The following CRTC3 variants were observed in gnomAD, a reference collection of about 807,000 sequenced individuals.
CRTC3 encodes the protein CREB-regulated transcription coactivator 3.
In CRTC3, 26 loss-of-function variants were observed where a neutral mutation model predicts 74.5. The observed-to-expected ratio is 0.35, with a 90% confidence interval of 0.26 to 0.48. The LOEUF (loss-of-function observed/expected upper bound fraction) is 0.48. Among genes scored for constraint, CRTC3 ranks in the 20% least tolerant of loss-of-function variants. The pLI is 0.99. For synonymous variants in CRTC3, 377 were observed against 325.8 expected (o/e 1.16, Z -1.69); for missense variants, 760 against 787.3 (o/e 0.97, Z 0.41).
At chr15:90,562,675 T>A (rs1967037575) in intron 2 of CRTC3, among the ~76,000 whole-genome samples, 1 of 152,162 alleles carries the variant, frequency 6.6e-6, no homozygotes. Context: ...TTAGTCCAAA[T>A]CAAACTTTCC....
At chr15:90,582,891 C>G (rs1967576198) in intron 2 of CRTC3, among the ~76,000 whole-genome samples, 1 of 152,200 alleles carries the variant, frequency 6.6e-6, no homozygotes, top group African/African-American at 2.4e-5. Flanking sequence ...TGAACATGAT[C>G]CATCTTCTCC....
chr15:90,554,121 T>C (rs1224596050), intron 2 of CRTC3, among the ~76,000 whole-genome samples: 1 of 152,214 alleles, frequency 6.6e-6, no homozygotes, highest in African/African-American at 2.4e-5. Flanking sequence ...TATCAGAGTT[T>C]TGTGGAGAAG....
At chr15:90,616,903 C>G (rs1287328695) in intron 7 of CRTC3, among the ~76,000 whole-genome samples, 1 of 152,168 alleles carries the variant, frequency 6.6e-6, no homozygotes, top group Non-Finnish European at 1.5e-5. Flanking sequence ...ATCCCACAAC[C>G]AAGGAGCTTC....
intron 5 of CRTC3, among the ~76,000 whole-genome samples, chr15:90,606,276 A>C (rs377264553): frequency 3.7e-5 from 5 of 135,596 alleles, no homozygotes; most frequent in African/African-American, 1.4e-4. Context: ...AATAAAATAA[A>C]ATAGGCCAGG....
rs553169953 is a variant in CRTC3, at chr15:90,537,740, T to A, written c.133-2299T>A. ...CCCAGGCTGTAGTACAGTGGCATGATCTTGGCTCACTGCAACCTCTGCTTC... is the reference window on the plus strand; with the variant it reads ...CCCAGGCTGTAGTACAGTGGCATGAACTTGGCTCACTGCAACCTCTGCTTC... On this transcript the variant is annotated intron_variant, in intron 1 of 14. Coordinates refer to ENST00000268184, the MANE Select transcript of CRTC3 (RefSeq NM_022769.5). Among the ~76,000 whole-genome samples, 212 of 152,252 alleles carry A rather than the reference T, an allele frequency of 1.4e-3. 2 individuals carry two copies. Among genetic ancestry groups the A allele is most frequent in the African/African-American group, 4.9e-3 (205 of 41,532 alleles).
intron 2 of CRTC3, among the ~76,000 whole-genome samples, chr15:90,572,898 A>T (rs976726639): frequency 6.6e-6 from 1 of 152,196 alleles, no homozygotes; most frequent in Non-Finnish European, 1.5e-5. Context: ...TTTTAAAAAA[A>T]CTGTGGTTAA....
chr15:90,574,673 G>A lies in CRTC3; in HGVS notation c.232-18963G>A, dbSNP rs1039340288. Reference sequence around the variant, plus strand: ...TTGTACATTCCTCTCTGCTGTATATGAAAGTGCCTGTTTGCCCACATCCTC... The same window carrying A: ...TTGTACATTCCTCTCTGCTGTATATAAAAGTGCCTGTTTGCCCACATCCTC... On this transcript the variant is annotated intron_variant, in intron 2 of 14. Coordinates refer to ENST00000268184, the MANE Select transcript of CRTC3 (RefSeq NM_022769.5). Among the ~76,000 whole-genome samples the A allele has an allele frequency of 7.9e-5, 12 of 152,286 alleles. 2 individuals are homozygous for A. The highest frequency in any genetic ancestry group is 7.2e-4 in the Admixed American group (11 of 15,292).
chr15:90,626,611 CTTTTTTTT>C (rs922457681), intron 10 of CRTC3, among the ~76,000 whole-genome samples: 1 of 133,424 alleles, frequency 7.5e-6, no homozygotes, highest in Non-Finnish European at 1.6e-5. Context: ...AAGCCTGACA[CTTTTTTTT>C]TTTTTTTTTT....
intron 2 of CRTC3, among the ~76,000 whole-genome samples, chr15:90,563,803 T>C (rs775865711): frequency 1.1e-4 from 16 of 152,244 alleles, no homozygotes; most frequent in Non-Finnish European, 1.8e-4. Flanking sequence ...AGCCACTTCA[T>C]ACCATTTGAT....
intron 2 of CRTC3, among the ~76,000 whole-genome samples, chr15:90,545,090 T>G (rs1966842086): frequency 6.6e-6 from 1 of 152,228 alleles, no homozygotes; most frequent in Non-Finnish European, 1.5e-5. Context: ...ATGAGGGAAA[T>G]CATATACTAT....
At position 90,543,192 on chromosome 15, in the gene CRTC3, G is replaced by A. The variant is rs533094719; in HGVS notation, c.231+3055G>A. On this transcript the variant is annotated intron_variant, in intron 2 of 14. Transcript: ENST00000268184. The stretch of plus-strand genomic sequence containing the variant: ...CACGCCTCTGGTCCCAGCTACTTGG[G>A]AAGCCGAAGTGGGAGGATTGAGTGC... Among the ~76,000 whole-genome samples, 4 of 150,376 alleles carry A rather than the reference G, an allele frequency of 2.7e-5. No individual in the cohort carries two copies. The East Asian group carries it at 7.8e-4, about 29-fold the overall frequency.
intron 2 of CRTC3, among the ~76,000 whole-genome samples, chr15:90,549,957 G>T (rs1340869659): frequency 1.3e-5 from 2 of 150,492 alleles, no homozygotes; most frequent in Admixed American, 1.3e-4. Context: ...GCCCGCCCTG[G>T]CCTCCCAAAG....
At chr15:90,592,442 A>G (rs535881257) in intron 2 of CRTC3, among the ~76,000 whole-genome samples, 102 of 152,300 alleles carry the variant, frequency 6.7e-4, no homozygotes, top group African/African-American at 2.3e-3. Context: ...CTATTGCACA[A>G]TGTATACACA....
At chr15:90,638,363 T>C in intron 11 of CRTC3, 83 bp from the exon 12 acceptor site, 1 of 1,201,116 alleles carries the variant, frequency 8.3e-7, no homozygotes, top group African/African-American at 1.5e-5. Context: ...AGGCTTCCTC[T>C]CACTCTGACA....
chr15:90,539,451 G>A (rs1966769366), intron 1 of CRTC3, among the ~76,000 whole-genome samples: 1 of 152,094 alleles, frequency 6.6e-6, no homozygotes, highest in Admixed American at 6.5e-5. Flanking sequence ...CATTTCGGCA[G>A]TATACGTTGA....
rs193017881 is a variant in CRTC3, at chr15:90,645,291, T to C, written c.*3151T>C. On this transcript the variant is annotated 3_prime_UTR_variant, in exon 15 of 15. Transcript: ENST00000268184. ...ATAAAGTTGCTTCCAAGTTTTATAATGCATCATTTTACATCTTTTGTAATT... is the reference window on the plus strand; with the variant it reads ...ATAAAGTTGCTTCCAAGTTTTATAACGCATCATTTTACATCTTTTGTAATT... 1.8e-5 allele frequency: 4 copies of C among 217,808 alleles called. No homozygotes were observed. The East Asian group carries it at 2.7e-4, about 15-fold the overall frequency. The allele number at this position is 217,808 out of a possible 1,614,324, so 13.5% of individuals were successfully genotyped here.
intron 2 of CRTC3, among the ~76,000 whole-genome samples, chr15:90,569,020 T>A (rs180792295): frequency 1.4e-4 from 21 of 150,234 alleles, no homozygotes; most frequent in African/African-American, 5.1e-4. Context: ...AGAGACAGAG[T>A]TTCTCCCGGT....
intron 2 of CRTC3, among the ~76,000 whole-genome samples, chr15:90,571,629 T>C (rs1967267783): frequency 6.6e-6 from 1 of 152,188 alleles, no homozygotes; most frequent in African/African-American, 2.4e-5. Context: ...TTATTTATTC[T>C]TCCAAATTTG....
At chr15:90,623,412 T>TCATC (rs753973907) in intron 9 of CRTC3, among the ~76,000 whole-genome samples, 80 of 152,278 alleles carry the variant, frequency 5.3e-4, no homozygotes, top group Non-Finnish European at 9.7e-4. Flanking sequence ...ATTCGTGATC[T>TCATC]CATCCATACC....
Sources: allele counts gnomAD v4.1 joint callset (sites outside exome capture counted in the v4.1 genomes callset), GRCh38; gene constraint gnomAD v4.1.1; transcripts MANE v1.5; gene names NCBI Gene and HGNC (gene_info 2026-07-23, HGNC 2026-07-21).